The following SLX4IP variants were observed in gnomAD, a reference collection of about 807,000 sequenced individuals.
SLX4IP encodes the protein protein SLX4IP.
A neutral mutation model predicts 32.9 loss-of-function variants in SLX4IP; 34 were observed. The observed-to-expected ratio is 1.03, with a 90% CI of 0.79 to 1.38. The LOEUF is 1.38. Among genes scored for constraint, SLX4IP ranks in the 40% most tolerant of loss-of-function variants. The pLI is 0.00. For missense variants in SLX4IP, 444 were observed against 479.0 expected, an observed-to-expected ratio of 0.93 and a Z score of 0.68; for synonymous variants, 172 against 171.7, an observed-to-expected ratio of 1.00 and a Z score of -0.01.
chr20:10,550,900 C>T lies in SLX4IP; in HGVS notation c.28-5331C>T, dbSNP rs564331706. ...CTCCCTCTGGTACTTGGGTATGTGCCGTGGTCACACATGCCACAGTGCCCA... is the reference window on the plus strand; with the variant it reads ...CTCCCTCTGGTACTTGGGTATGTGCTGTGGTCACACATGCCACAGTGCCCA... On this transcript the variant is annotated intron_variant, in intron 2 of 7. Coordinates refer to ENST00000334534, the MANE Select transcript of SLX4IP (RefSeq NM_001009608.3). 5.9e-5 allele frequency among the ~76,000 whole-genome samples: 9 copies of T among 152,312 alleles called. No homozygotes were observed. The South Asian group carries it at 1.0e-3, about 18-fold the overall frequency.
At chr20:10,532,150 A>G (rs658361) in intron 2 of SLX4IP, among the ~76,000 whole-genome samples, 86,690 of 151,876 alleles carry the variant, frequency 0.57, 25,380 homozygotes, top group South Asian at 0.72. Flanking sequence ...ATGGGGGCAG[A>G]GGTTAAATGA....
intron 6 of SLX4IP, chr20:10,613,366 A>G (rs2066990131): frequency 7.6e-7 from 1 of 1,312,878 alleles, no homozygotes; most frequent in African/African-American, 1.5e-5. Flanking sequence ...TTTTGCCTTC[A>G]AGTCTTGCCT....
rs949836966 is a variant in SLX4IP at position 10,559,700 on chromosome 20, A to G, written c.118-1000A>G. On this transcript the variant is annotated intron_variant, in intron 3 of 7. Coordinates refer to ENST00000334534, the MANE Select transcript of SLX4IP (RefSeq NM_001009608.3). The stretch of plus-strand genomic sequence containing the variant: ...GCTTAAATTTTTGTTTACCTTTATT[A>G]TAAATAACACCAAAACAATAAAACA... Among the ~76,000 whole-genome samples the G allele has an allele frequency of 2.6e-5, 4 of 152,332 alleles. No homozygotes were observed. The East Asian group carries it at 7.7e-4, about 29-fold the overall frequency.
At chr20:10,584,044 A>G (rs548487484) in intron 4 of SLX4IP, among the ~76,000 whole-genome samples, 1 of 152,350 alleles carries the variant, frequency 6.6e-6, no homozygotes, top group South Asian at 2.1e-4. Flanking sequence ...TAAGGCTTAC[A>G]TATCAGCCCA....
chr20:10,436,562 G>T (rs571059504), intron 1 of SLX4IP, among the ~76,000 whole-genome samples: 7 of 152,228 alleles, frequency 4.6e-5, no homozygotes, highest in African/African-American at 1.7e-4. Flanking sequence ...CGCCATGTTG[G>T]CCGGGTTGTT....
chr20:10,516,013 C>A (rs573667875), intron 2 of SLX4IP, among the ~76,000 whole-genome samples: 2 of 152,240 alleles, frequency 1.3e-5, no homozygotes, highest in South Asian at 4.2e-4. Context: ...CTCAGCCTCT[C>A]GAGAAGCTGA....
intron 2 of SLX4IP, among the ~76,000 whole-genome samples, chr20:10,543,249 C>T (rs1216264917): frequency 1.3e-5 from 2 of 152,176 alleles, no homozygotes; most frequent in African/African-American, 4.8e-5. Flanking sequence ...ATGACTCCAA[C>T]GTTTTTGACC....
At chr20:10,569,433 G>A (rs966507733) in intron 4 of SLX4IP, among the ~76,000 whole-genome samples, 2 of 152,088 alleles carry the variant, frequency 1.3e-5, no homozygotes, top group African/African-American at 2.4e-5. Context: ...CCAAAGTGCC[G>A]GGATTACAGG....
chr20:10,454,948 G>T (rs1412996314), intron 1 of SLX4IP, among the ~76,000 whole-genome samples: 1 of 152,136 alleles, frequency 6.6e-6, no homozygotes, highest in Non-Finnish European at 1.5e-5. Flanking sequence ...ATCTTAATGG[G>T]TATAAAGTAA....
intron 2 of SLX4IP, among the ~76,000 whole-genome samples, chr20:10,481,867 G>A (rs956805310): frequency 2.6e-5 from 4 of 152,142 alleles, no homozygotes; most frequent in African/African-American, 4.8e-5. Context: ...GTTCACTCTT[G>A]GGTGCTCCCC....
chr20:10,451,149 G>T (rs1431516996), intron 1 of SLX4IP, among the ~76,000 whole-genome samples: 1 of 151,804 alleles, frequency 6.6e-6, no homozygotes, highest in Non-Finnish European at 1.5e-5. Context: ...TCAGGATACA[G>T]AAATAAGTGC....
intron 4 of SLX4IP, among the ~76,000 whole-genome samples, chr20:10,568,908 A>G (rs1568745865): frequency 6.6e-6 from 1 of 152,256 alleles, no homozygotes; most frequent in Non-Finnish European, 1.5e-5. Context: ...GGATCACAGC[A>G]ATAATCAGGA....
At chr20:10,490,381 G>A (rs619550) in intron 2 of SLX4IP, among the ~76,000 whole-genome samples, 59,406 of 151,862 alleles carry the variant, frequency 0.39, 11,832 homozygotes, top group Non-Finnish European at 0.43. Flanking sequence ...TAACAAAGAT[G>A]TTCAGCTTAA....
chr20:10,453,790 T>C lies in SLX4IP; in HGVS notation c.-29-4386T>C, dbSNP rs939153302. 3.9e-5 allele frequency among the ~76,000 whole-genome samples: 6 copies of C among 152,264 alleles called. No individual in the cohort carries two copies. In the East Asian group the frequency reaches 1.2e-3, roughly 29 times the overall value. On this transcript the variant is annotated intron_variant, in intron 1 of 7. Transcript: ENST00000334534. Reference sequence around the variant, plus strand: ...CCTAAAATTTCACTGGGATAGATGCTGTAATATGGGTCAGTCTCCATACTA... The same window carrying C: ...CCTAAAATTTCACTGGGATAGATGCCGTAATATGGGTCAGTCTCCATACTA...
chr20:10,446,474 A>T (rs2065203721), intron 1 of SLX4IP, among the ~76,000 whole-genome samples: 1 of 151,886 alleles, frequency 6.6e-6, no homozygotes, highest in African/African-American at 2.4e-5. Flanking sequence ...CGTGAGCCTA[A>T]GTTCTCATTT....
At chr20:10,592,487 T>C (rs904514525) in intron 4 of SLX4IP, among the ~76,000 whole-genome samples, 1 of 152,110 alleles carries the variant, frequency 6.6e-6, no homozygotes, top group African/African-American at 2.4e-5. Flanking sequence ...AAACTCATGA[T>C]TTCCCTACCC....
intron 4 of SLX4IP, among the ~76,000 whole-genome samples, chr20:10,591,301 AG>A (rs764824149): frequency 5.3e-5 from 8 of 152,244 alleles, no homozygotes; most frequent in Non-Finnish European, 1.2e-4. Flanking sequence ...GAAATGAACT[AG>A]GAGACTTCCA....
In SLX4IP at chr20:10,601,757, G is replaced by C; in HGVS notation, c.343G>C (p.Val115Leu). 6.2e-7 allele frequency: 1 copy of C among 1,614,002 alleles called. No homozygotes were observed. The highest frequency in any genetic ancestry group is 1.1e-5 in the South Asian group (1 of 91,082). The stretch of plus-strand genomic sequence containing the variant: ...ACTCTGTGTATTCCCTGACAGATTT[G>C]TGGTTTGTGTCAGTCAGCTTGCATT... ...AELCVFPDRF[V>L]VCVSQLAFSR... is the part of the protein sequence containing the mutation. The change falls in exon 6 of 8, where the codon GTG becomes CTG. Residue 115 changes from valine to leucine, a missense_variant. By Grantham distance (32) the Val-to-Leu change is conservative (BLOSUM62 1). Transcript: ENST00000334534.
intron 4 of SLX4IP, among the ~76,000 whole-genome samples, chr20:10,570,657 T>C (rs971463260): frequency 6.6e-6 from 1 of 151,516 alleles, no homozygotes; most frequent in African/African-American, 2.4e-5. Context: ...GCCTCCTAAG[T>C]AGCTGGGATT....
Sources: allele counts gnomAD v4.1 joint callset (sites outside exome capture counted in the v4.1 genomes callset), GRCh38; gene constraint gnomAD v4.1.1; transcripts MANE v1.5; gene names NCBI Gene and HGNC (gene_info 2026-07-23, HGNC 2026-07-21).